WDR47: variants seen among roughly 807,000 people sequenced by gnomAD.
WDR47 encodes WD repeat domain 47.
Under a neutral mutation model 97.2 loss-of-function variants are expected in WDR47, and 32 were observed. The observed-to-expected ratio is 0.33, with a 90% CI of 0.25 to 0.44. WDR47 has a LOEUF of 0.44. Among genes scored for constraint, WDR47 ranks in the 20% least tolerant of loss-of-function variants. WDR47 has a pLI of 1.00. For missense variants in WDR47, 782 were observed against 1,102.3 expected, an observed-to-expected ratio of 0.71 and a Z score of 4.11; for synonymous variants, 375 against 373.5, an observed-to-expected ratio of 1.00 and a Z score of -0.05.
intron 1 of WDR47, among the ~76,000 whole-genome samples, chr1:109,040,721 G>C (rs1323691961): frequency 1.3e-5 from 2 of 151,976 alleles, no homozygotes; most frequent in Non-Finnish European, 2.9e-5. Context: ...ATGAGACCTC[G>C]ACAATATGCC....
intron 1 of WDR47, among the ~76,000 whole-genome samples, chr1:109,025,506 C>T (rs958778505): frequency 1.3e-5 from 2 of 148,918 alleles, no homozygotes; most frequent in African/African-American, 2.5e-5. Context: ...GAGGCTGAGA[C>T]GGGTGGATTA....
intron 13 of WDR47, among the ~76,000 whole-genome samples, chr1:108,980,310 G>GA (rs556514952): frequency 3.3e-5 from 5 of 151,514 alleles, no homozygotes; most frequent in Non-Finnish European, 7.4e-5. Context: ...TCAAAGTGCA[G>GA]AAAAAAGTCC....
intron 2 of WDR47, among the ~76,000 whole-genome samples, chr1:109,018,713 G>A (rs1489468386): frequency 6.6e-6 from 1 of 151,952 alleles, no homozygotes; most frequent in Non-Finnish European, 1.5e-5. Context: ...TACTCGGGAG[G>A]CTGAGGTGGG....
In WDR47 at chr1:109,031,279, T is replaced by A. The variant is rs115153698; in HGVS notation, c.-9-7758A>T. Among the ~76,000 whole-genome samples the A allele has an allele frequency of 7.5e-3, 1,048 of 140,422 alleles. 145 individuals carry two copies. Among genetic ancestry groups the A allele is most frequent in the African/African-American group, 0.024 (957 of 39,184 alleles). 92.1% of individuals were successfully genotyped at this position (140,422 alleles called of 152,430 possible). A position where few individuals can be genotyped will look rare whatever the true frequency, so the allele number is the denominator to read the frequency against. Reference sequence around the variant, plus strand: ...AATTTATCAATTACTTTAATTTACCTTCTGGAACTGTGAATGATTTTTGGC... The same window carrying A: ...AATTTATCAATTACTTTAATTTACCATCTGGAACTGTGAATGATTTTTGGC... On this transcript the variant is annotated intron_variant, in intron 1 of 14. Transcript: ENST00000369962.
Position 108,981,812 on chromosome 1 carries a change from G to A in WDR47, c.2319C>T (p.Ser773=). The A allele has an allele frequency of 1.2e-6, 2 of 1,613,782 alleles. No homozygotes were observed. Among genetic ancestry groups the A allele is most frequent in the East Asian group, 4.5e-5 (2 of 44,852 alleles). ...TWSGWMIASG[S]QDKTVRFWDL... ...CCCAAAATCTAACAGTCTTATCTTG[G>A]GAACCAGATGCAATCATCCAGCCAC... The change falls in exon 13 of 15, where the codon TCC becomes TCT. Residue 773 remains serine (S), a synonymous_variant. Coordinates refer to ENST00000369962, the MANE Select transcript of WDR47 (RefSeq NM_001142551.2).
At chr1:109,035,073 T>G (rs1662838754) in intron 1 of WDR47, among the ~76,000 whole-genome samples, 2 of 148,938 alleles carry the variant, frequency 1.3e-5, no homozygotes, top group Non-Finnish European at 3.0e-5. Context: ...GGCGAAACCC[T>G]GTCTCTCCAA....
At chr1:109,007,869 C>T (rs7550159) in intron 5 of WDR47, among the ~76,000 whole-genome samples, 1 of 151,536 alleles carries the variant, frequency 6.6e-6, no homozygotes, top group African/African-American at 2.4e-5. Flanking sequence ...TTTGGGAGGC[C>T]GAGGTGGGCA....
At chr1:108,991,453 C>T in intron 8 of WDR47, 124 bp from the exon 9 acceptor site, 1 of 694,930 alleles carries the variant, frequency 1.4e-6, no homozygotes, top group Non-Finnish European at 2.4e-6. Context: ...CAAAGTTACT[C>T]TCTGGAGACA....
rs1043273304 is a variant in WDR47 at position 109,035,813 on chromosome 1, C to A, written c.-10+6049G>T. Among the ~76,000 whole-genome samples, 3 of 151,312 alleles carry A rather than the reference C, an allele frequency of 2.0e-5. No individual in the cohort carries two copies. The South Asian group carries it at 6.3e-4, about 32-fold the overall frequency. ...GCCCAGCCAATTTTTAATTTTGTATCTTCTTTTTTTTTTTTTTAAGAGAAG... is the reference window on the plus strand; with the variant it reads ...GCCCAGCCAATTTTTAATTTTGTATATTCTTTTTTTTTTTTTTAAGAGAAG... On this transcript the variant is annotated intron_variant, in intron 1 of 14. Transcript: ENST00000369962.
intron 1 of WDR47, among the ~76,000 whole-genome samples, chr1:109,027,424 T>G (rs1174484122): frequency 6.6e-6 from 1 of 152,136 alleles, no homozygotes; most frequent in African/African-American, 2.4e-5. Context: ...GGCACATGCT[T>G]GATGACTATA....
At chr1:109,036,478 T>C (rs1435927527) in intron 1 of WDR47, among the ~76,000 whole-genome samples, 1 of 142,522 alleles carries the variant, frequency 7.0e-6, no homozygotes, top group African/African-American at 2.6e-5. Flanking sequence ...AAGGTTGCAG[T>C]GAGCCGAGAT....
intron 1 of WDR47, among the ~76,000 whole-genome samples, chr1:109,036,510 G>A (rs1662953708): frequency 6.9e-6 from 1 of 144,652 alleles, no homozygotes; most frequent in South Asian, 2.3e-4. Context: ...ACTACAGCCT[G>A]GGCGACTGAG....
intron 14 of WDR47, among the ~76,000 whole-genome samples, chr1:108,974,264 TG>T (rs1480704667): frequency 6.6e-6 from 1 of 151,710 alleles, no homozygotes; most frequent in Non-Finnish European, 1.5e-5. Flanking sequence ...CGAAGGCGGA[TG>T]GATCACTTGA....
At chr1:109,023,603 G>A (rs1057078080) in intron 1 of WDR47, 82 bp from the exon 2 acceptor site, 2 of 1,364,202 alleles carry the variant, frequency 1.5e-6, no homozygotes, top group Admixed American at 4.4e-5. Flanking sequence ...ACACATAACA[G>A]GTTTACTGGG....
In WDR47 at chr1:108,988,336, CAAAT is replaced by C. The variant is rs1489400093; in HGVS notation, c.1768-1660_1768-1657del. Among the ~76,000 whole-genome samples the C allele has an allele frequency of 2.0e-5, 3 of 149,898 alleles. No homozygotes were observed. The East Asian group carries it at 5.8e-4, about 29-fold the overall frequency. ...AAAAAAAGCCCACTAGAAGTTCTAA[CAAAT>C]AGAGTTTCATTTGTGTTTCTAAATG... On this transcript the variant is annotated intron_variant, in intron 9 of 14. Transcript: ENST00000369962.
chr1:108,971,315 C>T lies in WDR47; in HGVS notation c.*115G>A. On this transcript the variant is annotated 3_prime_UTR_variant, in exon 15 of 15. Coordinates refer to ENST00000369962, the MANE Select transcript of WDR47 (RefSeq NM_001142551.2). The stretch of plus-strand genomic sequence containing the variant: ...CAGTGGGATACATGGTAATAAGGGG[C>T]CTCTTCGTGCTAAACCACTTTCCTG... 1.4e-6 allele frequency: 2 copies of T among 1,389,882 alleles called. No homozygotes were observed. The highest frequency in any genetic ancestry group is 2.0e-6 in the Non-Finnish European group (2 of 1,017,094). 86.1% of individuals were successfully genotyped at this position (1,389,882 alleles called of 1,614,324 possible).
At chr1:108,985,732 T>G (rs1658738682) in intron 10 of WDR47, among the ~76,000 whole-genome samples, 1 of 152,196 alleles carries the variant, frequency 6.6e-6, no homozygotes, top group South Asian at 2.1e-4. Flanking sequence ...AACAGTTACC[T>G]TAAGTTCAAG....
intron 1 of WDR47, among the ~76,000 whole-genome samples, chr1:109,032,587 C>A (rs1662678449): frequency 1.3e-5 from 2 of 151,384 alleles, no homozygotes; most frequent in African/African-American, 4.9e-5. Context: ...AAAAAATTGT[C>A]AACTTTGACA....
At chr1:109,013,950 A>T (rs757357707) in intron 3 of WDR47, 25 bp from the exon 4 acceptor site, 3 of 1,548,606 alleles carry the variant, frequency 1.9e-6, no homozygotes, top group African/African-American at 1.4e-5. Flanking sequence ...TGAAGCATTA[A>T]TTTTTCCAAT....
Sources: gnomAD v4.1 joint callset for allele counts (sites outside exome capture counted in the v4.1 genomes callset) on GRCh38, gnomAD v4.1.1 for gene constraint, MANE v1.5 for transcripts, NCBI Gene and HGNC (gene_info 2026-07-23, HGNC 2026-07-21) for gene names.